The following UNC13B variants were observed in gnomAD, a reference collection of about 807,000 sequenced individuals.
UNC13B encodes the protein unc-13 homolog B, also known as protein unc-13 homolog B.
Under a neutral mutation model 211.0 loss-of-function variants are expected in UNC13B, and 144 were observed. The observed-to-expected ratio is 0.68, with a 90% confidence interval of 0.60 to 0.78. UNC13B has a LOEUF of 0.78. Ranked by LOEUF, UNC13B falls within the 30% of genes least tolerant of loss-of-function variation. The probability of loss-of-function intolerance (pLI) is 0.00; values close to 1 mark genes in which losing one functional copy is unlikely to be tolerated. For synonymous variants in UNC13B, 709 were observed against 725.8 expected (o/e 0.98, Z 0.37); for missense variants, 1,777 against 2,002.0 (o/e 0.89, Z 2.14).
intron 8 of UNC13B, among the ~76,000 whole-genome samples, chr9:35,297,257 T>G (rs1829412092): frequency 6.6e-6 from 1 of 151,616 alleles, no homozygotes; most frequent in Non-Finnish European, 1.5e-5. Flanking sequence ...CCCGGCTAAT[T>G]TTTGTATTTT....
At chr9:35,258,225 G>C (rs573087368) in intron 6 of UNC13B, among the ~76,000 whole-genome samples, 13 of 152,300 alleles carry the variant, frequency 8.5e-5, no homozygotes, top group Admixed American at 7.2e-4. Context: ...TTGCCTGGCT[G>C]AGTTACATTT....
At chr9:35,403,383 G>T in intron 38 of UNC13B, 57 bp from the exon 39 acceptor site, 1 of 1,606,274 alleles carries the variant, frequency 6.2e-7, no homozygotes, top group Non-Finnish European at 8.5e-7. Context: ...GTCACCTGGG[G>T]TTCAAGAACT....
chr9:35,243,816 C>T (rs900639746), intron 6 of UNC13B, among the ~76,000 whole-genome samples: 1 of 152,110 alleles, frequency 6.6e-6, no homozygotes, highest in Non-Finnish European at 1.5e-5. Flanking sequence ...GCATTCAGCT[C>T]AACCTGGGGC....
chr9:35,332,409 T>C (rs527854995), intron 11 of UNC13B, among the ~76,000 whole-genome samples: 1 of 152,324 alleles, frequency 6.6e-6, no homozygotes, highest in African/African-American at 2.4e-5. Context: ...TTGTTCTCTA[T>C]TTATATTAAA....
intron 1 of UNC13B, among the ~76,000 whole-genome samples, chr9:35,203,443 TG>T (rs1253778630): frequency 6.6e-6 from 1 of 152,250 alleles, no homozygotes; most frequent in African/African-American, 2.4e-5. Flanking sequence ...TATGAAATTC[TG>T]GGTTGAAAAT....
chr9:35,315,053 A>AT (rs1830381646), intron 11 of UNC13B, among the ~76,000 whole-genome samples: 1 of 147,584 alleles, frequency 6.8e-6, no homozygotes, highest in Non-Finnish European at 1.5e-5. Flanking sequence ...ATTTAAAAAA[A>AT]ATTTTTTTTT....
At chr9:35,235,399 T>C (rs1825440027) in intron 3 of UNC13B, among the ~76,000 whole-genome samples, 1 of 152,188 alleles carries the variant, frequency 6.6e-6, no homozygotes, top group Non-Finnish European at 1.5e-5. Flanking sequence ...TTATATGTTC[T>C]CAGGGACCCT....
chr9:35,232,652 T>C (rs1825281959), intron 3 of UNC13B, among the ~76,000 whole-genome samples: 1 of 152,104 alleles, frequency 6.6e-6, no homozygotes, highest in African/African-American at 2.4e-5. Flanking sequence ...TTCAGTAGGA[T>C]AGGGATTAAT....
intron 17 of UNC13B, among the ~76,000 whole-genome samples, chr9:35,380,175 G>C (rs1564181962): frequency 6.6e-6 from 1 of 152,096 alleles, no homozygotes; most frequent in African/African-American, 2.4e-5. Context: ...TGCTGATACA[G>C]CTAGCTGTAT....
intron 6 of UNC13B, among the ~76,000 whole-genome samples, chr9:35,253,800 CAG>C (rs1266990626): frequency 2.0e-5 from 3 of 152,186 alleles, no homozygotes; most frequent in African/African-American, 7.2e-5. Context: ...TTGTATTTGA[CAG>C]AGTCTCTGGG....
chr9:35,272,192 C>T (rs1587514112), intron 7 of UNC13B, among the ~76,000 whole-genome samples: 1 of 144,330 alleles, frequency 6.9e-6, no homozygotes, highest in African/African-American at 2.5e-5. Context: ...AGAAAAACCA[C>T]AAGGAAATAT....
intron 11 of UNC13B, among the ~76,000 whole-genome samples, chr9:35,349,135 C>G (rs1335100891): frequency 6.6e-6 from 1 of 152,054 alleles, no homozygotes; most frequent in Non-Finnish European, 1.5e-5. Flanking sequence ...CCAGGCTGGT[C>G]TCAAACTCCT....
In UNC13B at chr9:35,386,155, T is replaced by C; in HGVS notation, c.10966-10T>C. The C allele has an allele frequency of 6.2e-7, 1 of 1,614,072 alleles. No individual in the cohort carries two copies. The highest frequency in any genetic ancestry group is 8.5e-7 in the Non-Finnish European group (1 of 1,179,956). ...GTCCTTGGGCCCATATTTCTTCTTT[T>C]AATTGGCAGGTACAAGAACTGCAAA... On this transcript the variant is annotated splice_polypyrimidine_tract_variant and intron_variant, in intron 23 of 39. Coordinates refer to ENST00000635942, the MANE Select transcript of UNC13B (RefSeq NM_001371189.2).
Position 35,301,869 on chromosome 9 carries a change from C to T in UNC13B, c.2465C>T (p.Pro822Leu). 1 of 398,808 alleles carries T rather than the reference C, an allele frequency of 2.5e-6. No individual in the cohort carries two copies. Among genetic ancestry groups the T allele is most frequent in the East Asian group, 3.6e-5 (1 of 28,058 alleles). 24.7% of individuals were successfully genotyped at this position (398,808 alleles called of 1,614,324 possible). Residue 822 changes from proline to leucine, a missense_variant, in exon 9 of 40, where the codon CCT (proline) becomes CTT (leucine). Transcript: ENST00000635942. ...TTTAGCCAGTTTTTGCTCACTTCCC[C>T]TGAGACTTGTTCAAAGGAAAGTTTG... Reference protein sequence around the residue: ...KSFSQFLLTSPETCSKESLSE... With the variant: ...KSFSQFLLTSLETCSKESLSE...
intron 6 of UNC13B, among the ~76,000 whole-genome samples, chr9:35,244,997 A>G (rs1826005205): frequency 6.6e-6 from 1 of 152,118 alleles, no homozygotes. Context: ...ACTTTTCTTC[A>G]TTGTTGAAAG....
chr9:35,191,327 A>G (rs1460151400), intron 1 of UNC13B, among the ~76,000 whole-genome samples: 1 of 152,186 alleles, frequency 6.6e-6, no homozygotes, highest in Non-Finnish European at 1.5e-5. Context: ...GAGACAGTGA[A>G]AGAGATCAGA....
At chr9:35,243,055 C>T (rs773316601) in intron 5 of UNC13B, among the ~76,000 whole-genome samples, 32 of 152,142 alleles carry the variant, frequency 2.1e-4, no homozygotes, top group Non-Finnish European at 4.3e-4. Flanking sequence ...ATTATTTTAG[C>T]TCTCTGAGCT....
At chr9:35,289,252 G>T (rs1324883425) in intron 7 of UNC13B, among the ~76,000 whole-genome samples, 1 of 152,100 alleles carries the variant, frequency 6.6e-6, no homozygotes, top group African/African-American at 2.4e-5. Flanking sequence ...AAACAGCCTG[G>T]GTTGGCATCA....
In UNC13B at chr9:35,301,294, C is replaced by T. The variant is rs1195224588; in HGVS notation, c.1890C>T (p.Tyr630=). ...EHMGNKTGSL[Y]FQNTTESIAK... is the part of the protein sequence containing the mutation. ...TGGGTAATAAAACTGGGAGTTTATA[C>T]TTTCAGAATACAACAGAAAGTATTG... The change falls in exon 9 of 40, where the codon TAC becomes TAT. Residue 630 remains tyrosine, a synonymous_variant. Coordinates refer to ENST00000635942, the MANE Select transcript of UNC13B (RefSeq NM_001371189.2). 2.5e-6 allele frequency: 1 copy of T among 398,644 alleles called. No individual in the cohort carries two copies. Among genetic ancestry groups the T allele is most frequent in the African/African-American group, 2.1e-5 (1 of 48,572 alleles). 24.7% of individuals were successfully genotyped at this position (398,644 alleles called of 1,614,324 possible).
Sources: gnomAD v4.1 joint callset for allele counts (sites outside exome capture counted in the v4.1 genomes callset) on GRCh38, gnomAD v4.1.1 for gene constraint, MANE v1.5 for transcripts, NCBI Gene and HGNC (gene_info 2026-07-23, HGNC 2026-07-21) for gene names.